CACNA2D4: variants seen among roughly 807,000 people sequenced by gnomAD.
CACNA2D4 encodes the protein calcium voltage-gated channel auxiliary subunit alpha2delta 4.
Under a neutral mutation model 163.8 loss-of-function variants are expected in CACNA2D4, and 157 were observed. The ratio of observed to expected loss-of-function variants is 0.96; its 90% confidence interval spans 0.84 to 1.09. CACNA2D4 has a LOEUF of 1.09. Ranked by LOEUF, CACNA2D4 falls within the 50% of genes least tolerant of loss-of-function variation. The probability of loss-of-function intolerance (pLI) is 0.00; values close to 1 mark genes in which losing one functional copy is unlikely to be tolerated. For missense variants in CACNA2D4, 1,410 were observed against 1,479.9 expected (o/e 0.95, Z 0.78); for synonymous variants, 598 against 586.9 (o/e 1.02, Z -0.27).
chr12:1,825,293 T>C (rs1162794724), intron 26 of CACNA2D4, among the ~76,000 whole-genome samples: 1 of 152,140 alleles, frequency 6.6e-6, no homozygotes, highest in Non-Finnish European at 1.5e-5. Context: ...GGCAGAAGCC[T>C]TAGGTGGAAA....
Position 1,829,014 on chromosome 12 carries a change from G to A in CACNA2D4, c.2551+11725C>T, listed in dbSNP as rs977468791. 5.9e-5 allele frequency among the ~76,000 whole-genome samples: 9 copies of A among 152,188 alleles called. No homozygotes were observed. The highest frequency in any genetic ancestry group is 2.2e-4 in the African/African-American group (9 of 41,436). ...CCGCTCTGATCCAGCACCCAACACG[G>A]GCAGCCTGAATTATTCACCATGTGA... is the stretch of plus-strand genomic sequence containing the variant. On this transcript the variant is annotated intron_variant, in intron 26 of 37. Transcript: ENST00000382722. The surrounding 1 kb of genome is among the most constrained non-coding windows in gnomAD (Gnocchi z 4.2).
At position 1,878,164 on chromosome 12, in the gene CACNA2D4, G is replaced by A; in HGVS notation, c.1719+151C>T. The A allele has an allele frequency of 2.3e-6, 2 of 865,168 alleles. No individual in the cohort carries two copies. The highest frequency in any genetic ancestry group is 3.7e-6 in the Non-Finnish European group (2 of 543,062). 53.6% of individuals were successfully genotyped at this position (865,168 alleles called of 1,614,324 possible). ...ATAGAATCTAAACAACTTGAAAACA[G>A]GGACCATGACTCGAATACATTTTTT... On this transcript the variant is annotated intron_variant, in intron 16 of 37. Coordinates refer to ENST00000382722, the MANE Select transcript of CACNA2D4 (RefSeq NM_172364.5). The surrounding 1 kb of genome is among the most constrained non-coding windows in gnomAD (Gnocchi z 4.6).
intron 25 of CACNA2D4, among the ~76,000 whole-genome samples, chr12:1,841,589 C>T (rs1865026432): frequency 6.6e-6 from 1 of 152,232 alleles, no homozygotes; most frequent in Non-Finnish European, 1.5e-5. Flanking sequence ...CTCATCAGTC[C>T]TTGGCCCCGG....
At chr12:1,815,408 T>C (rs1029657867) in intron 26 of CACNA2D4, among the ~76,000 whole-genome samples, 3 of 150,860 alleles carry the variant, frequency 2.0e-5, no homozygotes, top group African/African-American at 7.5e-5. Context: ...CCCAATATCA[T>C]CTCCTAGAGT....
At chr12:1,888,269 C>T (rs987213596) in intron 6 of CACNA2D4, among the ~76,000 whole-genome samples, 3 of 152,134 alleles carry the variant, frequency 2.0e-5, no homozygotes, top group Admixed American at 6.5e-5. Context: ...CCAAAATCTT[C>T]GAAGAGGACT....
At chr12:1,810,014 G>A (rs1863653229) in intron 29 of CACNA2D4, among the ~76,000 whole-genome samples, 1 of 152,214 alleles carries the variant, frequency 6.6e-6, no homozygotes, top group South Asian at 2.1e-4. Flanking sequence ...TACCAGGCAC[G>A]GGAGGAGGCC....
intron 34 of CACNA2D4, 105 bp from the exon 35 acceptor site, chr12:1,797,640 G>A: frequency 1.2e-6 from 1 of 862,054 alleles, no homozygotes; most frequent in Non-Finnish European, 1.9e-6. Flanking sequence ...CATTTGCAGA[G>A]GGTCCCTCCT....
chr12:1,913,206 G>A, intron 2 of CACNA2D4, 67 bp from the exon 3 acceptor site: 1 of 1,083,196 alleles, frequency 9.2e-7, no homozygotes, highest in East Asian at 2.4e-5. Flanking sequence ...ACCTGTGTAT[G>A]CATGGCCTCC....
rs1270775302 is a variant in CACNA2D4 at position 1,833,050 on chromosome 12, T to C, written c.2551+7689A>G. ...TAGGCCGGGTGTCTTCAGACCCTCC[T>C]CTCCTGTGGTCGCCGGGAACTGAAT... On this transcript the variant is annotated intron_variant, in intron 26 of 37. Transcript: ENST00000382722. The surrounding 1 kb of genome is among the most constrained non-coding windows in gnomAD (Gnocchi z 4.2). Among the ~76,000 whole-genome samples the C allele has an allele frequency of 6.6e-6, 1 of 151,984 alleles. No homozygotes were observed. Among genetic ancestry groups the C allele is most frequent in the African/African-American group, 2.4e-5 (1 of 41,354 alleles).
chr12:1,870,345 A>G (rs1441753425), intron 18 of CACNA2D4, among the ~76,000 whole-genome samples: 1 of 152,030 alleles, frequency 6.6e-6, no homozygotes, highest in Non-Finnish European at 1.5e-5. Context: ...AGGAGTTTGT[A>G]AACAGATTTG....
chr12:1,899,382 T>C (rs12307334), intron 6 of CACNA2D4, among the ~76,000 whole-genome samples: 10,083 of 151,864 alleles, frequency 0.066, 818 homozygotes, highest in East Asian at 0.42. Context: ...AAAAGATGAT[T>C]CCTGACAAGA....
intron 22 of CACNA2D4, among the ~76,000 whole-genome samples, chr12:1,854,760 T>A (rs1865363548): frequency 6.6e-6 from 1 of 152,220 alleles, no homozygotes; most frequent in Admixed American, 6.5e-5. Context: ...CCCCTATACA[T>A]GCTGTTTCCC....
chr12:1,813,638 G>A (rs1863783193), intron 26 of CACNA2D4, among the ~76,000 whole-genome samples: 1 of 152,214 alleles, frequency 6.6e-6, no homozygotes, highest in South Asian at 2.1e-4. Flanking sequence ...GGCTTTGAGA[G>A]GTACCTCCCC....
At position 1,799,405 on chromosome 12, in the gene CACNA2D4, C is replaced by T. The variant is rs1863235053; in HGVS notation, c.2995+270G>A. Among the ~76,000 whole-genome samples, 1 of 152,190 alleles carries T rather than the reference C, an allele frequency of 6.6e-6. No individual in the cohort carries two copies. Among genetic ancestry groups the T allele is most frequent in the Non-Finnish European group, 1.5e-5 (1 of 68,024 alleles). On this transcript the variant is annotated intron_variant, in intron 34 of 37. Coordinates refer to ENST00000382722, the MANE Select transcript of CACNA2D4 (RefSeq NM_172364.5). The surrounding 1 kb of genome is among the most constrained non-coding windows in gnomAD (Gnocchi z 4.7). ...ACTGGCTCATGGCCACCCGGCCACA[C>T]CACCGGCTTCCTCTTGGAATCTTAC...
intron 29 of CACNA2D4, chr12:1,809,492 C>T (rs73593713): frequency 1.4e-6 from 1 of 701,190 alleles, no homozygotes; most frequent in African/African-American, 1.7e-5. Flanking sequence ...TGCCTTGCTT[C>T]AAGGAAATAC....
chr12:1,795,423 C>A, intron 36 of CACNA2D4, 42 bp from the exon 37 acceptor site: 1 of 1,565,940 alleles, frequency 6.4e-7, no homozygotes, highest in Non-Finnish European at 8.7e-7. Context: ...AGGACCGGAG[C>A]CCATTCTGCA....
At chr12:1,906,349 A>T (rs536937356) in intron 6 of CACNA2D4, among the ~76,000 whole-genome samples, 138 of 152,380 alleles carry the variant, frequency 9.1e-4, no homozygotes, top group Non-Finnish European at 1.6e-3. Flanking sequence ...AAGTTTGTTC[A>T]TCAAAAGACA....
intron 20 of CACNA2D4, among the ~76,000 whole-genome samples, chr12:1,858,338 C>G (rs1592715203): frequency 6.6e-6 from 1 of 152,136 alleles, no homozygotes; most frequent in African/African-American, 2.4e-5. Context: ...ACTAGCAGTG[C>G]GGTTGGCAGG....
rs1437878281 is a variant in CACNA2D4 at position 1,810,547 on chromosome 12, T to A, written c.2654A>T (p.Asp885Val). ...CCTCACACGGGCAGAACTTACACTG[T>A]CCTCGCAGCTCTGTGTGCACGGCCC... ...VDGPCTQSCE[D>V]SDLDCFVIDN... Residue 885 changes from aspartate (D) to valine (V), a missense_variant, in exon 28 of 38, where the codon GAC (aspartate) becomes GTC (valine). Physicochemically the swap from Asp to Val is radical, Grantham distance 152 (BLOSUM62 -3). Transcript: ENST00000382722. 11 of 1,553,308 alleles carry A rather than the reference T, an allele frequency of 7.1e-6. No individual in the cohort carries two copies. The highest frequency in any genetic ancestry group is 1.7e-4 in the Middle Eastern group (1 of 5,978).
Sources: gnomAD v4.1 joint callset for allele counts (sites outside exome capture counted in the v4.1 genomes callset) on GRCh38, gnomAD v4.1.1 for gene constraint, Gnocchi (gnomAD v3.1) non-coding constraint, MANE v1.5 for transcripts, NCBI Gene and HGNC (gene_info 2026-07-23, HGNC 2026-07-21) for gene names.